The following PTPRM variants were observed in gnomAD, a reference collection of about 807,000 sequenced individuals.
PTPRM encodes the protein receptor-type tyrosine-protein phosphatase mu.
PTPRM carries 47 observed loss-of-function variants against 186.7 expected under a neutral mutation model. The ratio of observed to expected loss-of-function variants is 0.25; its 90% CI spans 0.20 to 0.32. PTPRM has a LOEUF of 0.32. PTPRM is among the 10% of genes least tolerant of loss of function. The pLI is 1.00. For missense variants in PTPRM, 1,494 were observed against 1,865.0 expected, an observed-to-expected ratio of 0.80 and a Z score of 3.66; for synonymous variants, 668 against 674.9, an observed-to-expected ratio of 0.99 and a Z score of 0.16.
intron 7 of PTPRM, among the ~76,000 whole-genome samples, chr18:8,007,815 A>G (rs1386020741): frequency 6.6e-6 from 1 of 152,218 alleles, no homozygotes; most frequent in Admixed American, 6.5e-5. Context: ...CATTGGATAG[A>G]AAACTATATG....
At chr18:8,279,634 A>G (rs1465249472) in intron 19 of PTPRM, among the ~76,000 whole-genome samples, 1 of 152,226 alleles carries the variant, frequency 6.6e-6, no homozygotes, top group Non-Finnish European at 1.5e-5. Flanking sequence ...CCCTGCTCAC[A>G]TGAAACGTGG....
chr18:7,737,064 A>G (rs578208684), intron 1 of PTPRM, among the ~76,000 whole-genome samples: 3 of 152,314 alleles, frequency 2.0e-5, no homozygotes, highest in African/African-American at 7.2e-5. Flanking sequence ...TTGGCCTCCC[A>G]AAGTGCTGGG....
At chr18:8,122,469 C>T (rs888031281) in intron 13 of PTPRM, among the ~76,000 whole-genome samples, 1 of 152,182 alleles carries the variant, frequency 6.6e-6, no homozygotes, top group East Asian at 1.9e-4. Context: ...AATTAAGTGA[C>T]ATGCTTGGCC....
chr18:8,289,639 T>C (rs529531382), intron 19 of PTPRM, among the ~76,000 whole-genome samples: 71 of 142,814 alleles, frequency 5.0e-4, no homozygotes, highest in Non-Finnish European at 7.5e-4. Context: ...TATACACACA[T>C]ATATATATAG....
At chr18:7,586,075 A>G (rs535548960) in intron 1 of PTPRM, among the ~76,000 whole-genome samples, 1 of 152,342 alleles carries the variant, frequency 6.6e-6, no homozygotes, top group East Asian at 1.9e-4. Flanking sequence ...CTGGAAATCA[A>G]CTGAAGCAAA....
chr18:8,207,904 A>G (rs2159954), intron 14 of PTPRM, among the ~76,000 whole-genome samples: 62,560 of 152,126 alleles, frequency 0.41, 13,873 homozygotes, highest in Middle Eastern at 0.6. Flanking sequence ...TGTGTGTGTT[A>G]GTGTGTTGTA....
At chr18:8,232,525 A>G (rs2094299152) in intron 14 of PTPRM, among the ~76,000 whole-genome samples, 1 of 152,116 alleles carries the variant, frequency 6.6e-6, no homozygotes. Context: ...AAACTGACAA[A>G]CTGTTTTTCT....
At chr18:7,846,496 T>G (rs757197193) in intron 2 of PTPRM, among the ~76,000 whole-genome samples, 1 of 152,248 alleles carries the variant, frequency 6.6e-6, no homozygotes, top group Non-Finnish European at 1.5e-5. Flanking sequence ...TGTCCTATGC[T>G]GTACTTGTTA....
At chr18:8,262,263 TC>T (rs890113195) in intron 19 of PTPRM, among the ~76,000 whole-genome samples, 2 of 152,182 alleles carry the variant, frequency 1.3e-5, no homozygotes, top group Non-Finnish European at 2.9e-5. Flanking sequence ...ACCTAGTCTT[TC>T]CCCTTCAAAT....
intron 1 of PTPRM, among the ~76,000 whole-genome samples, chr18:7,687,759 A>G (rs1262253924): frequency 1.3e-5 from 2 of 151,766 alleles, no homozygotes; most frequent in Non-Finnish European, 2.9e-5. Context: ...TGCATGGAGC[A>G]TAAACAAGGA....
At chr18:7,915,237 T>G (rs1269522337) in intron 4 of PTPRM, among the ~76,000 whole-genome samples, 2 of 152,192 alleles carry the variant, frequency 1.3e-5, no homozygotes, top group Admixed American at 1.3e-4. Flanking sequence ...TAAGAACATG[T>G]TTGTTATTCA....
intron 19 of PTPRM, among the ~76,000 whole-genome samples, chr18:8,280,736 G>C (rs974288721): frequency 6.6e-6 from 1 of 152,138 alleles, no homozygotes; most frequent in African/African-American, 2.4e-5. Flanking sequence ...TTCTGCCAAC[G>C]TAGAACTGCC....
At chr18:8,019,380 T>C (rs2085069607) in intron 7 of PTPRM, among the ~76,000 whole-genome samples, 1 of 152,216 alleles carries the variant, frequency 6.6e-6, no homozygotes, top group Non-Finnish European at 1.5e-5. Context: ...CTCTTTTTGT[T>C]TTGGCCCTTG....
intron 20 of PTPRM, among the ~76,000 whole-genome samples, chr18:8,302,642 C>G (rs1277042069): frequency 6.6e-6 from 1 of 151,940 alleles, no homozygotes; most frequent in Non-Finnish European, 1.5e-5. Context: ...TAGATGAATT[C>G]AGAAGAAGTA....
At chr18:7,582,264 T>C (rs1472805714) in intron 1 of PTPRM, among the ~76,000 whole-genome samples, 1 of 152,190 alleles carries the variant, frequency 6.6e-6, no homozygotes, top group Non-Finnish European at 1.5e-5. Flanking sequence ...ACTTTGTGTA[T>C]ATGTGTCTCT....
chr18:8,224,298 A>C (rs890583308), intron 14 of PTPRM, among the ~76,000 whole-genome samples: 4 of 152,164 alleles, frequency 2.6e-5, no homozygotes, highest in Non-Finnish European at 5.9e-5. Context: ...CTCTTCAATC[A>C]CAAGAAAAGG....
chr18:7,984,588 T>C (rs1358209287), intron 7 of PTPRM, among the ~76,000 whole-genome samples: 1 of 122,680 alleles, frequency 8.2e-6, no homozygotes, highest in African/African-American at 3.4e-5. Flanking sequence ...TATATATATA[T>C]ATATATATAT....
chr18:8,334,544 G>C (rs1468767512), intron 22 of PTPRM, among the ~76,000 whole-genome samples: 1 of 152,194 alleles, frequency 6.6e-6, no homozygotes, highest in Non-Finnish European at 1.5e-5. Flanking sequence ...TTGGATTCCC[G>C]ACCCATCACC....
intron 21 of PTPRM, among the ~76,000 whole-genome samples, chr18:8,315,297 C>T (rs144394772): frequency 4.3e-4 from 66 of 152,280 alleles, no homozygotes; most frequent in African/African-American, 1.4e-3. Context: ...ATTCCTAATA[C>T]GGCGATTTGC....
Sources: allele counts gnomAD v4.1 joint callset (sites outside exome capture counted in the v4.1 genomes callset), GRCh38; gene constraint gnomAD v4.1.1; transcripts MANE v1.5; gene names NCBI Gene and HGNC (gene_info 2026-07-23, HGNC 2026-07-21).